The following PACSIN1 variants were observed in gnomAD, a reference collection of about 807,000 sequenced individuals.
The protein encoded by PACSIN1 is protein kinase C and casein kinase substrate in neurons 1, also known as protein kinase C and casein kinase substrate in neurons protein 1.
Under a neutral mutation model 59.5 loss-of-function variants are expected in PACSIN1, and 15 were observed. That is an observed-to-expected ratio of 0.25 (90% CI 0.17 to 0.39). The LOEUF is 0.39. Ranked by LOEUF, PACSIN1 falls within the 10% of genes least tolerant of loss-of-function variation. The pLI is 1.00. For synonymous variants in PACSIN1, 210 were observed against 220.6 expected (o/e 0.95, Z 0.42); for missense variants, 420 against 580.2 (o/e 0.72, Z 2.84).
chr6:34,502,593 G>A (rs1767040782), intron 1 of PACSIN1, among the ~76,000 whole-genome samples: 1 of 150,814 alleles, frequency 6.6e-6, no homozygotes, highest in Non-Finnish European at 1.5e-5. Flanking sequence ...AGCCTCCAGA[G>A]TAGCTGGGAC....
rs1257497616 is a variant in PACSIN1 at position 34,529,624 on chromosome 6, G to A, written c.613-42G>A. Reference sequence around the variant, plus strand: ...AGAGGGTGGTGGCTGGGAGCTGCAGGCCTGGCTAGGTGTCACCCTCTCTCC... The same window carrying A: ...AGAGGGTGGTGGCTGGGAGCTGCAGACCTGGCTAGGTGTCACCCTCTCTCC... On this transcript the variant is annotated intron_variant, in intron 5 of 9. Coordinates refer to ENST00000244458, the MANE Select transcript of PACSIN1 (RefSeq NM_020804.5). The surrounding 1 kb of genome is among the most constrained non-coding windows in gnomAD (Gnocchi z 6.3). The A allele has an allele frequency of 6.2e-7, 1 of 1,612,574 alleles. No homozygotes were observed. The highest frequency in any genetic ancestry group is 1.1e-5 in the South Asian group (1 of 91,014).
chr6:34,522,376 G>A (rs1298847260), intron 1 of PACSIN1, among the ~76,000 whole-genome samples: 3 of 152,242 alleles, frequency 2.0e-5, no homozygotes, highest in Non-Finnish European at 2.9e-5. Flanking sequence ...CTCGGTAAAC[G>A]CCAGCTAGTG....
At chr6:34,489,341 C>T (rs532913533) in intron 1 of PACSIN1, among the ~76,000 whole-genome samples, 1 of 152,086 alleles carries the variant, frequency 6.6e-6, no homozygotes, top group Non-Finnish European at 1.5e-5. Flanking sequence ...CAATACAGCA[C>T]GTTGTCATGA....
chr6:34,487,260 C>T (rs576890491), intron 1 of PACSIN1, among the ~76,000 whole-genome samples: 1 of 152,254 alleles, frequency 6.6e-6, no homozygotes, highest in East Asian at 1.9e-4. Context: ...TAGAACACTT[C>T]CCGCATCCTG....
chr6:34,527,526 C>A (rs1037380034), intron 3 of PACSIN1, 38 bp downstream of exon 3: 2 of 1,538,476 alleles, frequency 1.3e-6, no homozygotes. Context: ...GCCCCCAGGC[C>A]GTCACGAGCC....
intron 1 of PACSIN1, among the ~76,000 whole-genome samples, chr6:34,524,503 G>A (rs748809016): frequency 1.3e-4 from 20 of 152,100 alleles, no homozygotes; most frequent in East Asian, 7.7e-4. Flanking sequence ...CCCTACTTAT[G>A]TATTTTCCCC....
rs1767026084 is a variant in PACSIN1, at chr6:34,501,699, T to C, written c.-63-24544T>C. 3.9e-5 allele frequency among the ~76,000 whole-genome samples: 6 copies of C among 152,114 alleles called. No individual in the cohort carries two copies. The South Asian group carries it at 1.2e-3, about 32-fold the overall frequency. On this transcript the variant is annotated intron_variant, in intron 1 of 9. Coordinates refer to ENST00000244458, the MANE Select transcript of PACSIN1 (RefSeq NM_020804.5). Reference sequence around the variant, plus strand: ...CAAGGTGTAGTCAATAGAACACCAATATCAGCATGGGGAACTTTCAGAAAG... The same window carrying C: ...CAAGGTGTAGTCAATAGAACACCAACATCAGCATGGGGAACTTTCAGAAAG...
intron 1 of PACSIN1, among the ~76,000 whole-genome samples, chr6:34,473,954 C>T (rs9394226): frequency 0.13 from 19,192 of 152,082 alleles, 1,585 homozygotes; most frequent in East Asian, 0.3. Context: ...ATTCACATTC[C>T]CTGTTGTCTC....
At position 34,530,337 on chromosome 6, in the gene PACSIN1, A is replaced by T; in HGVS notation, c.883A>T (p.Met295Leu). Residue 295 changes from methionine to leucine, a missense_variant, in exon 7 of 10, where the codon ATG becomes TTG. By Grantham distance (15) the Met-to-Leu change is conservative. Coordinates refer to ENST00000244458, the MANE Select transcript of PACSIN1 (RefSeq NM_020804.5). This position sits in a 1 kb window ranked among gnomAD's most constrained non-coding sequence, Gnocchi z 4.4. ...GTTCCGCAGCACCAGTGGCCCCGGCATGCCCATGAACTGGCCCCAGTTTGA... is the reference window on the plus strand; with the variant it reads ...GTTCCGCAGCACCAGTGGCCCCGGCTTGCCCATGAACTGGCCCCAGTTTGA... ...RWFRSTSGPG[M>L]PMNWPQFEEW... 6.2e-7 allele frequency: 1 copy of T among 1,614,102 alleles called. No individual in the cohort carries two copies. Among genetic ancestry groups the T allele is most frequent in the South Asian group, 1.1e-5 (1 of 91,074 alleles).
chr6:34,528,915 G>GGGGGGCCCGGGGGGGGGGGGGGGGGC, intron 4 of PACSIN1, 38 bp downstream of exon 4: 1 of 653,172 alleles, frequency 1.5e-6, no homozygotes, highest in Non-Finnish European at 2.7e-6. Flanking sequence ...GGTGGGGTGG[G>GGGGGGCCCGGGGGGGGGGGGGGGGGC]CCCGTCTGAT....
rs1042167809 is a variant in PACSIN1 at position 34,521,966 on chromosome 6, A to C, written c.-63-4277A>C. On this transcript the variant is annotated intron_variant, in intron 1 of 9. Transcript: ENST00000244458. The surrounding 1 kb of genome is among the most constrained non-coding windows in gnomAD (Gnocchi z 4.3). Reference sequence around the variant, plus strand: ...GGGATGTAATCCTACTCTGCGCTGCACAGGCCCCAGGGTCAAGTCCTTACT... The same window carrying C: ...GGGATGTAATCCTACTCTGCGCTGCCCAGGCCCCAGGGTCAAGTCCTTACT... Among the ~76,000 whole-genome samples, 1 of 152,218 alleles carries C rather than the reference A, an allele frequency of 6.6e-6. No homozygotes were observed. Among genetic ancestry groups the C allele is most frequent in the Admixed American group, 6.5e-5 (1 of 15,290 alleles).
intron 1 of PACSIN1, among the ~76,000 whole-genome samples, chr6:34,485,836 T>C (rs1051071525): frequency 6.6e-6 from 1 of 151,806 alleles, no homozygotes; most frequent in African/African-American, 2.4e-5. Context: ...AGGAGGAGGA[T>C]TGGAGACTGG....
chr6:34,501,294 CT>C (rs1462305320), intron 1 of PACSIN1, among the ~76,000 whole-genome samples: 2 of 152,150 alleles, frequency 1.3e-5, no homozygotes, highest in African/African-American at 4.8e-5. Flanking sequence ...AGACAAAAAT[CT>C]TTTTTCAAGA....
intron 1 of PACSIN1, among the ~76,000 whole-genome samples, chr6:34,471,422 A>C (rs1378184742): frequency 2.6e-5 from 4 of 152,204 alleles, no homozygotes; most frequent in Admixed American, 6.5e-5. Context: ...AGATGTTCCA[A>C]ATTTCCCATC....
At chr6:34,466,422 C>T (rs1013869927) in intron 1 of PACSIN1, among the ~76,000 whole-genome samples, 152 bp downstream of exon 1, 2 of 152,174 alleles carry the variant, frequency 1.3e-5, no homozygotes, top group Non-Finnish European at 2.9e-5. Context: ...GAAGCGGGTG[C>T]GCGTTCGGGG....
intron 2 of PACSIN1, 66 bp downstream of exon 2, chr6:34,526,434 T>C: frequency 7.4e-7 from 1 of 1,353,004 alleles, no homozygotes; most frequent in Non-Finnish European, 1.0e-6. Flanking sequence ...CCAGGCTCCC[T>C]TATCACTCAC....
At chr6:34,526,461 C>A in intron 2 of PACSIN1, 93 bp downstream of exon 2, 1 of 1,040,316 alleles carries the variant, frequency 9.6e-7, no homozygotes, top group Non-Finnish European at 1.5e-6. Flanking sequence ...ACCTCAGGCC[C>A]CACTCCGCAG....
rs1767602289 is a variant in PACSIN1, at chr6:34,531,858, C to A, written c.1225+71C>A. ...GATTGGGTGTGTGGTGGTGCAGGGG[C>A]GGTGCCTGAGAGAGAAGCTTGGGTC... On this transcript the variant is annotated intron_variant, in intron 9 of 9. Coordinates refer to ENST00000244458, the MANE Select transcript of PACSIN1 (RefSeq NM_020804.5). The surrounding 1 kb of genome is among the most constrained non-coding windows in gnomAD (Gnocchi z 4.4). 2 of 1,390,250 alleles carry A rather than the reference C, an allele frequency of 1.4e-6. No individual in the cohort carries two copies. Among genetic ancestry groups the A allele is most frequent in the Non-Finnish European group, 1.9e-6 (2 of 1,034,664 alleles). 86.1% of individuals were successfully genotyped at this position (1,390,250 alleles called of 1,614,324 possible). A position where few individuals can be genotyped will look rare whatever the true frequency, so the allele number is the denominator to read the frequency against.
At chr6:34,468,719 G>A (rs992987594) in intron 1 of PACSIN1, among the ~76,000 whole-genome samples, 1 of 152,174 alleles carries the variant, frequency 6.6e-6, no homozygotes, top group Non-Finnish European at 1.5e-5. Flanking sequence ...TCCCCAGCTT[G>A]GGCTGGGAAC....
Sources: gnomAD v4.1 joint callset for allele counts (sites outside exome capture counted in the v4.1 genomes callset) on GRCh38, gnomAD v4.1.1 for gene constraint, Gnocchi (gnomAD v3.1) non-coding constraint, MANE v1.5 for transcripts, NCBI Gene and HGNC (gene_info 2026-07-23, HGNC 2026-07-21) for gene names.